MCF2L: variants seen among roughly 807,000 people sequenced by gnomAD.
MCF2L encodes MCF.2 cell line derived transforming sequence like, also known as guanine nucleotide exchange factor DBS.
A neutral mutation model predicts 153.4 loss-of-function variants in MCF2L; 97 were observed. That is an observed-to-expected ratio of 0.63 (90% CI 0.54 to 0.75). The LOEUF (loss-of-function observed/expected upper bound fraction) is 0.75, where lower values mean the gene tolerates loss of function less well. Ranked by LOEUF, MCF2L falls within the 30% of genes least tolerant of loss-of-function variation. The pLI is 0.00. For synonymous variants in MCF2L, 659 were observed against 632.2 expected (o/e 1.04, Z -0.64); for missense variants, 1,347 against 1,495.2 (o/e 0.90, Z 1.64).
intron 2 of MCF2L, among the ~76,000 whole-genome samples, chr13:112,955,253 A>G (rs2081743266): frequency 6.6e-6 from 1 of 151,572 alleles, no homozygotes. Context: ...AACCTGCATC[A>G]GAGCAGGATG....
At chr13:112,966,968 C>A (rs928627486), upstream of MCF2L, among the ~76,000 whole-genome samples, 13 of 152,180 alleles carry the variant, frequency 8.5e-5, no homozygotes, top group Admixed American at 8.5e-4. This position sits in a 1 kb window ranked among gnomAD's most constrained non-coding sequence, Gnocchi z 4.1. Flanking sequence ...CCTGACGCAG[C>A]CCAAGGCTGG....
intron 1 of MCF2L, among the ~76,000 whole-genome samples, chr13:112,992,944 C>CT (rs2082949086): frequency 6.6e-6 from 1 of 152,196 alleles, no homozygotes; most frequent in Admixed American, 6.5e-5. Context: ...GAGGTCAGAC[C>CT]CTGGTGCAAA....
rs2081187411 is a variant in MCF2L at position 112,907,767 on chromosome 13, C to G, written c.169+5396C>G. ...AGATTCATTGCTTTCTCCTTGCATGCCATTTAGTGTTGCAGAAAACAGCTC... is the reference window on the plus strand; with the variant it reads ...AGATTCATTGCTTTCTCCTTGCATGGCATTTAGTGTTGCAGAAAACAGCTC... On this transcript the variant is annotated intron_variant, in intron 2 of 29. Coordinates refer to the MCF2L transcript ENST00000375608. This position sits in a 1 kb window ranked among gnomAD's most constrained non-coding sequence, Gnocchi z 5.1. Among the ~76,000 whole-genome samples the G allele has an allele frequency of 1.3e-5, 2 of 152,154 alleles. No individual in the cohort carries two copies. The highest frequency in any genetic ancestry group is 2.9e-5 in the Non-Finnish European group (2 of 68,014).
chr13:113,054,495 C>T lies in MCF2L; in HGVS notation c.370-6098C>T, dbSNP rs1391439003. The T allele has an allele frequency of 6.1e-6, 1 of 164,320 alleles. No homozygotes were observed. Among genetic ancestry groups the T allele is most frequent in the Admixed American group, 6.5e-5 (1 of 15,284 alleles). 10.2% of individuals were successfully genotyped at this position (164,320 alleles called of 1,614,324 possible). A position where few individuals can be genotyped will look rare whatever the true frequency, so the allele number is the denominator to read the frequency against. On this transcript the variant is annotated intron_variant, in intron 4 of 29. Transcript: ENST00000535094. The surrounding 1 kb of genome is among the most constrained non-coding windows in gnomAD (Gnocchi z 5.2). The stretch of plus-strand genomic sequence containing the variant: ...GCGTCTCTGATTCCGGCTCTAACGT[C>T]TTCTTCATCTGTTAACACAGAGACA...
intron 7 of MCF2L, 123 bp from the exon 8 acceptor site, chr13:113,065,923 G>A: frequency 1.9e-6 from 2 of 1,034,240 alleles, no homozygotes; most frequent in Non-Finnish European, 2.7e-6. Flanking sequence ...AGACTCGGGG[G>A]TCGGGGATTG....
At position 113,074,357 on chromosome 13, in the gene MCF2L, C is replaced by A; in HGVS notation, c.997-87C>A. The A allele has an allele frequency of 6.5e-7, 1 of 1,527,632 alleles. No homozygotes were observed. Among genetic ancestry groups the A allele is most frequent in the South Asian group, 1.2e-5 (1 of 85,616 alleles). The allele number at this position is 1,527,632 out of a possible 1,614,324, so 94.6% of individuals were successfully genotyped here. On this transcript the variant is annotated intron_variant, in intron 9 of 29. Transcript: ENST00000535094. The surrounding 1 kb of genome is among the most constrained non-coding windows in gnomAD (Gnocchi z 4.2). ...CACTTGGCCCGACTTTGAATTCTGTCATTTCCCTGATCTGGAGCACTGGAG... is the reference window on the plus strand; with the variant it reads ...CACTTGGCCCGACTTTGAATTCTGTAATTTCCCTGATCTGGAGCACTGGAG...
chr13:112,968,557 T>C (rs769640439), upstream of MCF2L: 4 of 1,547,868 alleles, frequency 2.6e-6, 1 homozygote, highest in Non-Finnish European at 8.7e-7. Flanking sequence ...GGGGAGGGGC[T>C]GGTCCATCCC....
At chr13:113,062,414 A>G (rs2031660929) in intron 5 of MCF2L, among the ~76,000 whole-genome samples, 1 of 152,038 alleles carries the variant, frequency 6.6e-6, no homozygotes. Context: ...GGCCCTTATG[A>G]TGGAGATAAC....
intron 4 of MCF2L, 31 bp from the exon 5 acceptor site, chr13:113,060,562 G>A: frequency 1.2e-6 from 2 of 1,609,486 alleles, no homozygotes; most frequent in Non-Finnish European, 8.5e-7. Context: ...AGAGCACGCT[G>A]CAGGCCCTTG....
chr13:113,016,865 C>T (rs572188636), intron 2 of MCF2L, among the ~76,000 whole-genome samples: 1 of 152,328 alleles, frequency 6.6e-6, no homozygotes, highest in East Asian at 1.9e-4. Flanking sequence ...CTCACGTCCT[C>T]CCGTGTGTGG....
chr13:113,056,434 CTGAG>C (rs1374630134), intron 4 of MCF2L, among the ~76,000 whole-genome samples: 1 of 140,928 alleles, frequency 7.1e-6, no homozygotes, highest in Non-Finnish European at 1.5e-5. Context: ...TGTTTGGGTG[CTGAG>C]TGTTTCGGCG....
At chr13:112,938,756 A>C (rs2081547210) in intron 2 of MCF2L, among the ~76,000 whole-genome samples, 2 of 152,210 alleles carry the variant, frequency 1.3e-5, no homozygotes, top group South Asian at 4.1e-4. Flanking sequence ...CTACCAGGGC[A>C]AGGTTCTGGG....
chr13:113,094,651 C>T lies in MCF2L; in HGVS notation c.3075+16C>T, dbSNP rs771206095. ...CAAGAAGCTGGTAACCACGGCTTCC[C>T]TGTGGGCACTTGGGGTGGGGGCTGC... is the stretch of plus-strand genomic sequence containing the variant. On this transcript the variant is annotated intron_variant, in intron 27 of 29. Transcript: ENST00000535094. 2.5e-6 allele frequency: 4 copies of T among 1,604,106 alleles called. No homozygotes were observed. Among genetic ancestry groups the T allele is most frequent in the Non-Finnish European group, 3.4e-6 (4 of 1,176,196 alleles).
At position 113,064,196 on chromosome 13, in the gene MCF2L, A is replaced by C; in HGVS notation, c.490-108A>C. The C allele has an allele frequency of 2.4e-6, 2 of 823,814 alleles. No homozygotes were observed. Among genetic ancestry groups the C allele is most frequent in the Non-Finnish European group, 4.2e-6 (2 of 480,966 alleles). The allele number at this position is 823,814 out of a possible 1,614,324, so 51.0% of individuals were successfully genotyped here. A position where few individuals can be genotyped will look rare whatever the true frequency, so the allele number is the denominator to read the frequency against. On this transcript the variant is annotated intron_variant, in intron 5 of 29. Coordinates refer to ENST00000535094, the MANE Select transcript of MCF2L (RefSeq NM_001112732.3). The surrounding 1 kb of genome is among the most constrained non-coding windows in gnomAD (Gnocchi z 6.0). Reference sequence around the variant, plus strand: ...ACCCACACAGCCGCCCGCAGCATCCAGGCAGACGTGGTCCTCTCTGTGCTG... The same window carrying C: ...ACCCACACAGCCGCCCGCAGCATCCCGGCAGACGTGGTCCTCTCTGTGCTG...
intron 4 of MCF2L, among the ~76,000 whole-genome samples, chr13:113,050,128 C>T (rs1036823426): frequency 6.6e-6 from 1 of 152,104 alleles, no homozygotes; most frequent in African/African-American, 2.4e-5. Flanking sequence ...AACATCTAAC[C>T]CTCTTCCACT....
intron 3 of MCF2L, chr13:113,044,999 T>C (rs2086720120): frequency 7.1e-7 from 1 of 1,410,740 alleles, no homozygotes; most frequent in Admixed American, 2.0e-5. Flanking sequence ...GGAGAGATGG[T>C]TCTGCCTCAA....
intron 1 of MCF2L, among the ~76,000 whole-genome samples, chr13:112,986,401 G>A (rs576191197): frequency 3.9e-5 from 6 of 152,354 alleles, no homozygotes; most frequent in Admixed American, 1.3e-4. Flanking sequence ...TTGTCAGAGC[G>A]TCCCACGAAC....
intron 26 of MCF2L, chr13:113,091,180 C>A: frequency 7.7e-7 from 1 of 1,304,446 alleles, no homozygotes; most frequent in Non-Finnish European, 1.0e-6. Flanking sequence ...CGACCCGACT[C>A]CCTTTGGTGT....
At chr13:112,945,866 G>T (rs1297286581) in intron 2 of MCF2L, among the ~76,000 whole-genome samples, 1 of 152,224 alleles carries the variant, frequency 6.6e-6, no homozygotes, top group African/African-American at 2.4e-5. Context: ...ATGAGGAGGG[G>T]CCCATGGAGA....
Sources: allele counts gnomAD v4.1 joint callset (sites outside exome capture counted in the v4.1 genomes callset), GRCh38; gene constraint gnomAD v4.1.1; non-coding constraint Gnocchi (gnomAD v3.1); transcripts MANE v1.5; gene names NCBI Gene and HGNC (gene_info 2026-07-23, HGNC 2026-07-21).